IGSF10: variants seen among roughly 807,000 people sequenced by gnomAD.
The protein encoded by IGSF10 is immunoglobulin superfamily member 10.
IGSF10 carries 126 observed loss-of-function variants against 128.2 expected under a neutral mutation model. The ratio of observed to expected loss-of-function variants is 0.98; its 90% CI spans 0.85 to 1.14. IGSF10 has a LOEUF of 1.14. Ranked by LOEUF, IGSF10 falls within the 50% of genes most tolerant of loss-of-function variation. The pLI, the probability that IGSF10 is intolerant of heterozygous loss-of-function variation, is 0.00. For missense variants in IGSF10, 3,295 were observed against 3,149.8 expected, an observed-to-expected ratio of 1.05 and a Z score of -1.10; for synonymous variants, 1,185 against 1,146.2, an observed-to-expected ratio of 1.03 and a Z score of -0.68.
chr3:151,559,738 C>T, the IGSF10 span, among the ~76,000 whole-genome samples: 1 of 151,938 alleles, frequency 6.6e-6, no homozygotes, highest in South Asian at 2.1e-4. Flanking sequence ...AGAGAGTGGT[C>T]CTCGCCTATC....
chr3:151,500,751 A>G, the IGSF10 span, among the ~76,000 whole-genome samples: 1 of 152,234 alleles, frequency 6.6e-6, no homozygotes, highest in Admixed American at 6.5e-5. Context: ...CGTATATTCC[A>G]TATCGTCTTT....
In IGSF10 at chr3:151,445,842, G is replaced by T; in HGVS notation, c.4139C>A (p.Thr1380Asn). 1 of 1,614,220 alleles carries T rather than the reference G, an allele frequency of 6.2e-7. No homozygotes were observed. Among genetic ancestry groups the T allele is most frequent in the Non-Finnish European group, 8.5e-7 (1 of 1,180,036 alleles). Residue 1380 changes from threonine to asparagine, a missense_variant, in exon 6 of 8, where the codon ACC (threonine) becomes AAC (asparagine). Physicochemically the swap from Thr to Asn is moderately conservative, Grantham distance 65. Transcript: ENST00000282466. ...TPTAMTPPVL[T>N]TAETSVKPSV... ...GGGCTTGACTGAAGTTTCGGCTGTG[G>T]TTAGAACAGGAGGTGTCATAGCAGT...
intron 5 of IGSF10, among the ~76,000 whole-genome samples, chr3:151,451,313 G>A (rs928374267): frequency 6.6e-6 from 1 of 151,784 alleles, no homozygotes; most frequent in Non-Finnish European, 1.5e-5. Flanking sequence ...ACTTCTTCTG[G>A]GTGGGCTCCC....
chr3:151,573,399 A>C, the IGSF10 span, among the ~76,000 whole-genome samples: 2 of 152,200 alleles, frequency 1.3e-5, no homozygotes, highest in South Asian at 2.1e-4. Context: ...TTGCTTTATG[A>C]ATCTGGATTC....
At chr3:151,506,800 T>C in the IGSF10 span, among the ~76,000 whole-genome samples, 6 of 152,144 alleles carry the variant, frequency 3.9e-5, no homozygotes, top group African/African-American at 1.2e-4. Flanking sequence ...AAACCAGTAA[T>C]TGGAAGATTG....
In IGSF10 at chr3:151,436,681, A is replaced by C. The variant is rs769486664; in HGVS notation, c.*8T>G. ...CTGCCCAGATGTTGTTGACTTTATT[A>C]TTTCATGTCAGATTACTTGAATATA... On this transcript the variant is annotated 3_prime_UTR_variant, in exon 8 of 8. Transcript: ENST00000282466. The C allele has an allele frequency of 6.4e-7, 1 of 1,559,676 alleles. No homozygotes were observed. Among genetic ancestry groups the C allele is most frequent in the South Asian group, 1.2e-5 (1 of 83,216 alleles).
Position 151,437,877 on chromosome 3 carries a change from C to A in IGSF10, c.6684G>T (p.Leu2228=). The change falls in exon 8 of 8, where the codon CTG becomes CTT. Residue 2228 remains leucine, a synonymous_variant. Transcript: ENST00000282466. ...PSGDDTKMYK[L]DVVSKPPLIN... ...TTAATGGAGGTTTAGAGACCACATC[C>A]AGTTTGTACATTTTGGTGTCATCCC... 6.2e-7 allele frequency: 1 copy of A among 1,614,074 alleles called. No individual in the cohort carries two copies.
the IGSF10 span, among the ~76,000 whole-genome samples, chr3:151,598,449 T>A: frequency 6.6e-6 from 1 of 152,346 alleles, no homozygotes; most frequent in East Asian, 1.9e-4. Flanking sequence ...CCAAATGCAG[T>A]CATCTGTGAG....
At chr3:151,538,067 A>C in the IGSF10 span, among the ~76,000 whole-genome samples, 2 of 152,192 alleles carry the variant, frequency 1.3e-5, no homozygotes, top group African/African-American at 4.8e-5. Context: ...GGCAGAGATC[A>C]AAATTGTGGG....
chr3:151,573,873 T>C, the IGSF10 span, among the ~76,000 whole-genome samples: 5 of 152,246 alleles, frequency 3.3e-5, no homozygotes, highest in Admixed American at 3.3e-4. Flanking sequence ...GTACCAGTTG[T>C]TCCTTTCCAT....
chr3:151,512,396 G>T, the IGSF10 span, among the ~76,000 whole-genome samples: 1 of 152,090 alleles, frequency 6.6e-6, no homozygotes, highest in Admixed American at 6.6e-5. Flanking sequence ...CAGAAATAAA[G>T]ATGTTCTTTG....
chr3:151,545,938 T>C, the IGSF10 span, among the ~76,000 whole-genome samples: 1 of 151,968 alleles, frequency 6.6e-6, no homozygotes, highest in Admixed American at 6.6e-5. Context: ...CCTATCCAAA[T>C]GTTGCTCGCA....
At chr3:151,433,470 T>G (rs1719755662), downstream of IGSF10, 1 of 152,616 alleles carries the variant, frequency 6.6e-6, no homozygotes, top group African/African-American at 2.4e-5. Flanking sequence ...TAAACCAAGG[T>G]TTCTTTGAGA....
chr3:151,449,077 C>A lies in IGSF10; in HGVS notation c.904G>T (p.Ala302Ser), dbSNP rs754086093. The change falls in exon 6 of 8, where the codon GCT becomes TCT. Residue 302 changes from alanine to serine, a missense_variant. Transcript: ENST00000282466. Reference protein sequence around the residue: ...SLTILEDSSSAFISPQGFMAP... With the variant: ...SLTILEDSSSSFISPQGFMAP... ...ATGAAACCTTGGGGAGAGATGAAAG[C>A]AGAACTACTGTCTTCCAGAATAGTC... 8 of 1,614,124 alleles carry A rather than the reference C, an allele frequency of 5.0e-6. No individual in the cohort carries two copies.
At chr3:151,432,893 C>CTT (rs1553823948), downstream of IGSF10, 30 of 946,700 alleles carry the variant, frequency 3.2e-5, no homozygotes, top group South Asian at 5.4e-4. Context: ...AAAAATGTCC[C>CTT]TTTTTTTCAT....
chr3:151,487,301 T>C, the IGSF10 span, among the ~76,000 whole-genome samples: 21 of 152,294 alleles, frequency 1.4e-4, no homozygotes, highest in East Asian at 3.1e-3. Context: ...AATCCTTGAA[T>C]AGACCAATAA....
chr3:151,595,984 G>C, the IGSF10 span, among the ~76,000 whole-genome samples: 2 of 152,072 alleles, frequency 1.3e-5, no homozygotes. Context: ...ACACAAAAGA[G>C]GGTAGCTATT....
At chr3:151,441,492 A>C (rs1401290166) in intron 7 of IGSF10, among the ~76,000 whole-genome samples, 1 of 152,230 alleles carries the variant, frequency 6.6e-6, no homozygotes, top group African/African-American at 2.4e-5. Context: ...TCACAAGTTA[A>C]ATTTATTAGC....
chr3:151,561,241 C>A, the IGSF10 span, among the ~76,000 whole-genome samples: 1 of 152,018 alleles, frequency 6.6e-6, no homozygotes, highest in Non-Finnish European at 1.5e-5. Flanking sequence ...ATAATTTTTT[C>A]TTTAAAACAA....
Sources: allele counts gnomAD v4.1 joint callset (sites outside exome capture counted in the v4.1 genomes callset), GRCh38; gene constraint gnomAD v4.1.1; transcripts MANE v1.5; gene names NCBI Gene and HGNC (gene_info 2026-07-23, HGNC 2026-07-21).